IMPG1: variants seen among roughly 807,000 people sequenced by gnomAD.
IMPG1 encodes the protein interphotoreceptor matrix proteoglycan of 150 kDa.
In IMPG1, 85 loss-of-function variants were observed where a neutral mutation model predicts 92.0. That is an observed-to-expected ratio of 0.92 (90% CI 0.78 to 1.11). The LOEUF (loss-of-function observed/expected upper bound fraction) is 1.11. IMPG1 is among the 50% of genes least tolerant of loss of function. IMPG1 has a pLI of 0.00. For missense variants in IMPG1, 1,022 were observed against 956.0 expected (o/e 1.07, Z -0.91); for synonymous variants, 367 against 334.1 (o/e 1.10, Z -1.08).
rs933789679 is a variant in IMPG1, at chr6:75,965,239, C to A, written c.1292-14145G>T. ...AAGAATGAAATAGCTTGCATGGTAGCCGTATGTTAAATTTCTGGAGAAATT... is the reference window on the plus strand; with the variant it reads ...AAGAATGAAATAGCTTGCATGGTAGACGTATGTTAAATTTCTGGAGAAATT... On this transcript the variant is annotated intron_variant, in intron 12 of 16. Transcript: ENST00000369950. Among the ~76,000 whole-genome samples the A allele has an allele frequency of 2.0e-5, 3 of 152,096 alleles. No individual in the cohort carries two copies. In the East Asian group the frequency reaches 5.8e-4, roughly 29 times the overall value.
chr6:76,046,519 T>G (rs548466209), intron 1 of IMPG1, among the ~76,000 whole-genome samples: 74 of 152,306 alleles, frequency 4.9e-4, no homozygotes, highest in African/African-American at 1.8e-3. Context: ...AATATGTTCA[T>G]TACTTATGAA....
chr6:75,979,268 T>C (rs780176225), intron 12 of IMPG1, among the ~76,000 whole-genome samples: 11 of 152,120 alleles, frequency 7.2e-5, no homozygotes, highest in Admixed American at 1.3e-4. Flanking sequence ...TCAATAAGGC[T>C]GACATTGGAG....
At chr6:75,965,670 CCG>C (rs1562351056) in intron 12 of IMPG1, among the ~76,000 whole-genome samples, 4 of 130,872 alleles carry the variant, frequency 3.1e-5, no homozygotes, top group Non-Finnish European at 6.1e-5. Flanking sequence ...TGCAGTGTGG[CCG>C]GTCTTGGCTT....
At chr6:76,035,684 T>G (rs1267605051) in intron 2 of IMPG1, among the ~76,000 whole-genome samples, 1 of 152,202 alleles carries the variant, frequency 6.6e-6, no homozygotes. Context: ...CATTTTCCTG[T>G]GCAGGCTTTC....
intron 2 of IMPG1, among the ~76,000 whole-genome samples, chr6:76,040,658 A>T (rs1783820031): frequency 6.6e-6 from 1 of 152,240 alleles, no homozygotes; most frequent in Non-Finnish European, 1.5e-5. Context: ...ACTGTGATCC[A>T]GTAGTTTTCA....
chr6:76,019,193 C>T (rs1011616871), intron 6 of IMPG1, among the ~76,000 whole-genome samples: 3 of 152,108 alleles, frequency 2.0e-5, no homozygotes, highest in Non-Finnish European at 4.4e-5. Context: ...ACTTGGTCTC[C>T]ATCACTAAGG....
chr6:76,065,448 A>G (rs1784293467), intron 1 of IMPG1, among the ~76,000 whole-genome samples: 1 of 152,146 alleles, frequency 6.6e-6, no homozygotes, highest in African/African-American at 2.4e-5. Flanking sequence ...AAAATGCTGT[A>G]AAAAGTTTTA....
chr6:75,998,829 C>G (rs1048330364), intron 12 of IMPG1, among the ~76,000 whole-genome samples: 2 of 152,088 alleles, frequency 1.3e-5, no homozygotes, highest in Non-Finnish European at 2.9e-5. Flanking sequence ...TCAAGTTTCT[C>G]CTATATGTGG....
At chr6:76,002,701 A>G (rs559464940) in intron 12 of IMPG1, among the ~76,000 whole-genome samples, 1 of 152,296 alleles carries the variant, frequency 6.6e-6, no homozygotes, top group East Asian at 1.9e-4. Flanking sequence ...TGCTGGCTGT[A>G]GGACTGGGAA....
intron 12 of IMPG1, among the ~76,000 whole-genome samples, chr6:75,974,373 TTCTTTC>T (rs1172151700): frequency 3.4e-5 from 4 of 118,874 alleles, no homozygotes; most frequent in Non-Finnish European, 1.8e-5. Flanking sequence ...CTTTCTTTCT[TTCTTTC>T]TTTCTTTCTT....
chr6:76,047,249 G>A (rs540748125), intron 1 of IMPG1, among the ~76,000 whole-genome samples: 4 of 152,218 alleles, frequency 2.6e-5, no homozygotes, highest in African/African-American at 9.6e-5. Context: ...TCTTTCATAT[G>A]GGAGGGCCCT....
intron 1 of IMPG1, among the ~76,000 whole-genome samples, chr6:76,056,890 A>G (rs984363642): frequency 2.6e-5 from 4 of 152,142 alleles, no homozygotes; most frequent in Admixed American, 2.6e-4. Context: ...CATAGAATCA[A>G]TGTAAATGCC....
intron 2 of IMPG1, among the ~76,000 whole-genome samples, chr6:76,040,835 C>T (rs878898487): frequency 1.3e-5 from 2 of 152,172 alleles, no homozygotes; most frequent in Admixed American, 6.5e-5. Flanking sequence ...GCACATCTAA[C>T]AAAAATAGAC....
intron 1 of IMPG1, among the ~76,000 whole-genome samples, chr6:76,068,630 C>T (rs1481029340): frequency 6.7e-6 from 1 of 149,560 alleles, no homozygotes; most frequent in Non-Finnish European, 1.5e-5. Context: ...GATTTTCCTG[C>T]CTCAGCCTCC....
intron 12 of IMPG1, among the ~76,000 whole-genome samples, chr6:76,000,521 A>T (rs903036652): frequency 1.3e-5 from 2 of 152,222 alleles, no homozygotes; most frequent in Non-Finnish European, 2.9e-5. Context: ...GGATTTTAAT[A>T]AGCAAAATTA....
chr6:76,011,308 A>G (rs897386911), intron 7 of IMPG1, 84 bp from the exon 8 acceptor site: 5 of 695,784 alleles, frequency 7.2e-6, no homozygotes, highest in African/African-American at 5.4e-5. Context: ...AACACTTTTG[A>G]TGAGTTAGGG....
At chr6:75,940,683 G>A (rs964645852) in intron 14 of IMPG1, among the ~76,000 whole-genome samples, 8 of 152,060 alleles carry the variant, frequency 5.3e-5, no homozygotes, top group Admixed American at 1.3e-4. Flanking sequence ...TAGATTTGAC[G>A]GGCATTTTTA....
intron 1 of IMPG1, among the ~76,000 whole-genome samples, chr6:76,053,765 A>C (rs749562855): frequency 2.0e-5 from 3 of 152,184 alleles, no homozygotes; most frequent in Non-Finnish European, 2.9e-5. Context: ...TGTGCTGTCC[A>C]TGATTATAAT....
chr6:76,025,231 T>C lies in IMPG1; in HGVS notation c.525A>G (p.Thr175=). The change falls in exon 5 of 17, where the codon ACA becomes ACG. Residue 175 remains threonine (T), a synonymous_variant. Transcript: ENST00000369950. Reference sequence around the variant, plus strand: ...CAATGGTTTCACCAGGCTCTCCCAATGTCTTCTCTGCAGATATTTCATCTT... The same window carrying C: ...CAATGGTTTCACCAGGCTCTCCCAACGTCTTCTCTGCAGATATTTCATCTT... The part of the protein sequence containing the change: ...DRKDEISAEK[T]LGEPGETIVI... 6.2e-7 allele frequency: 1 copy of C among 1,600,158 alleles called. No individual in the cohort carries two copies. Among genetic ancestry groups the C allele is most frequent in the Non-Finnish European group, 8.6e-7 (1 of 1,168,476 alleles).
Sources: allele counts gnomAD v4.1 joint callset (sites outside exome capture counted in the v4.1 genomes callset), GRCh38; gene constraint gnomAD v4.1.1; transcripts MANE v1.5; gene names NCBI Gene and HGNC (gene_info 2026-07-23, HGNC 2026-07-21).